UNC5C: variants seen among roughly 807,000 people sequenced by gnomAD.
UNC5C encodes unc-5 netrin receptor C.
A neutral mutation model predicts 99.8 loss-of-function variants in UNC5C; 47 were observed. That is an observed-to-expected ratio of 0.47 (90% CI 0.37 to 0.60). The LOEUF (loss-of-function observed/expected upper bound fraction) is 0.60. Ranked by LOEUF, UNC5C falls within the 20% of genes least tolerant of loss-of-function variation. The pLI, the probability that UNC5C is intolerant of heterozygous loss-of-function variation, is 0.00. For missense variants in UNC5C, 1,062 were observed against 1,165.9 expected (o/e 0.91, Z 1.30); for synonymous variants, 487 against 452.2 (o/e 1.08, Z -0.98).
In UNC5C at chr4:95,310,813, G is replaced by T. The variant is rs570642246; in HGVS notation, c.347-9064C>A. Among the ~76,000 whole-genome samples, 19 of 152,100 alleles carry T rather than the reference G, an allele frequency of 1.2e-4. No individual in the cohort carries two copies. In the South Asian group the frequency reaches 3.1e-3, roughly 25 times the overall value. ...GGATTGTGTAACTGGGTTGGGGGGG[G>T]ATTTCTAGTGCTTCTAGAAAGCTCT... On this transcript the variant is annotated intron_variant, in intron 2 of 15. Transcript: ENST00000453304.
At chr4:95,187,764 A>G (rs925358400) in intron 12 of UNC5C, among the ~76,000 whole-genome samples, 6 of 152,174 alleles carry the variant, frequency 3.9e-5, no homozygotes, top group East Asian at 1.9e-4. Context: ...CAGTGGGGCC[A>G]CAGAACACAC....
At chr4:95,492,242 G>A (rs956014152) in intron 1 of UNC5C, among the ~76,000 whole-genome samples, 5 of 151,210 alleles carry the variant, frequency 3.3e-5, no homozygotes, top group Admixed American at 2.6e-4. Flanking sequence ...TTCTTGCCCC[G>A]AGTAGCCAAG....
At chr4:95,519,991 T>A (rs538583763) in intron 1 of UNC5C, among the ~76,000 whole-genome samples, 2 of 152,326 alleles carry the variant, frequency 1.3e-5, no homozygotes, top group East Asian at 3.9e-4. Flanking sequence ...AACCATTCAA[T>A]GAGCAAAGCA....
intron 1 of UNC5C, among the ~76,000 whole-genome samples, chr4:95,354,921 T>A (rs2149431364): frequency 6.6e-6 from 1 of 152,194 alleles, no homozygotes; most frequent in East Asian, 1.9e-4. Context: ...CCTTTTATAA[T>A]TAGCTCTGTA....
chr4:95,180,633 A>T (rs984254159), intron 14 of UNC5C, among the ~76,000 whole-genome samples: 1 of 152,214 alleles, frequency 6.6e-6, no homozygotes. Flanking sequence ...TGTCACGCAC[A>T]GCCTGGTCTC....
intron 4 of UNC5C, among the ~76,000 whole-genome samples, chr4:95,260,564 T>C (rs1740182437): frequency 6.6e-6 from 1 of 152,192 alleles, no homozygotes; most frequent in Non-Finnish European, 1.5e-5. Flanking sequence ...GAAAGGATTC[T>C]GGGGCAGATG....
intron 14 of UNC5C, among the ~76,000 whole-genome samples, chr4:95,171,655 T>G (rs1736116880): frequency 6.6e-6 from 1 of 151,952 alleles, no homozygotes; most frequent in Non-Finnish European, 1.5e-5. Context: ...ACATTTGGGT[T>G]GGTTCCAAGT....
chr4:95,438,632 T>C (rs1746859487), intron 1 of UNC5C, among the ~76,000 whole-genome samples: 1 of 152,020 alleles, frequency 6.6e-6, no homozygotes, highest in Non-Finnish European at 1.5e-5. Context: ...GTACATAGGG[T>C]TTGGTACTAT....
intron 1 of UNC5C, among the ~76,000 whole-genome samples, chr4:95,493,315 A>G (rs1418874010): frequency 6.6e-6 from 1 of 151,388 alleles, no homozygotes; most frequent in African/African-American, 2.4e-5. Context: ...GGAAGTCAAG[A>G]GACCTCTTTG....
At chr4:95,451,565 A>G (rs1403595035) in intron 1 of UNC5C, among the ~76,000 whole-genome samples, 1 of 152,224 alleles carries the variant, frequency 6.6e-6, no homozygotes, top group African/African-American at 2.4e-5. Flanking sequence ...AGGAAATAAA[A>G]ACATATCCTA....
At chr4:95,536,112 T>C (rs1361085044) in intron 1 of UNC5C, among the ~76,000 whole-genome samples, 1 of 150,650 alleles carries the variant, frequency 6.6e-6, no homozygotes, top group Non-Finnish European at 1.5e-5. Flanking sequence ...AGTCTCGCTC[T>C]TGTCACCCAG....
chr4:95,537,731 T>G (rs916549239), intron 1 of UNC5C, among the ~76,000 whole-genome samples: 1 of 152,156 alleles, frequency 6.6e-6, no homozygotes, highest in Non-Finnish European at 1.5e-5. Context: ...TCATACTACT[T>G]TCAAAAGGAT....
intron 1 of UNC5C, among the ~76,000 whole-genome samples, chr4:95,517,298 G>A (rs1313178104): frequency 6.6e-6 from 1 of 152,018 alleles, no homozygotes; most frequent in Admixed American, 6.6e-5. Context: ...TTCATCTGTT[G>A]TTCAATTATG....
At chr4:95,381,628 C>T (rs1417707393) in intron 1 of UNC5C, among the ~76,000 whole-genome samples, 2 of 152,048 alleles carry the variant, frequency 1.3e-5, no homozygotes, top group Non-Finnish European at 1.5e-5. Context: ...TAGAATGTCA[C>T]ATCAAATTGT....
chr4:95,489,507 T>C (rs1448402795), intron 1 of UNC5C, among the ~76,000 whole-genome samples: 1 of 151,710 alleles, frequency 6.6e-6, no homozygotes, highest in African/African-American at 2.4e-5. Context: ...TGACCTACTA[T>C]AGATGTTAAA....
At chr4:95,176,890 C>T (rs546336854) in intron 14 of UNC5C, among the ~76,000 whole-genome samples, 8 of 152,200 alleles carry the variant, frequency 5.3e-5, no homozygotes, top group African/African-American at 9.6e-5. Context: ...TAGCAATCAG[C>T]GAGACTCTGT....
intron 5 of UNC5C, among the ~76,000 whole-genome samples, chr4:95,250,157 G>A (rs148211130): frequency 4.6e-5 from 7 of 152,210 alleles, no homozygotes; most frequent in East Asian, 1.9e-4. Flanking sequence ...ATATCAGTAC[G>A]AGGAAAGCAA....
chr4:95,176,560 T>C (rs1188052391), intron 14 of UNC5C, among the ~76,000 whole-genome samples: 1 of 150,942 alleles, frequency 6.6e-6, no homozygotes, highest in East Asian at 1.9e-4. Flanking sequence ...TGCTCAGGGG[T>C]AGGGGTCAGG....
At chr4:95,536,645 G>T (rs574174776) in intron 1 of UNC5C, among the ~76,000 whole-genome samples, 1 of 152,022 alleles carries the variant, frequency 6.6e-6, no homozygotes, top group African/African-American at 2.4e-5. Context: ...TTTCACAATA[G>T]AATTAAGTTT....
Sources: gnomAD v4.1 joint callset for allele counts (sites outside exome capture counted in the v4.1 genomes callset) on GRCh38, gnomAD v4.1.1 for gene constraint, MANE v1.5 for transcripts, NCBI Gene and HGNC (gene_info 2026-07-23, HGNC 2026-07-21) for gene names.